Variants in COL27A1 observed in about 807,000 individuals in gnomAD.
The protein encoded by COL27A1 is collagen alpha-1(XXVII) chain.
In COL27A1, 106 loss-of-function variants were observed where a neutral mutation model predicts 251.3. The ratio of observed to expected loss-of-function variants is 0.42; its 90% CI spans 0.36 to 0.50. The LOEUF is 0.50. Ranked by LOEUF, COL27A1 falls within the 20% of genes least tolerant of loss-of-function variation. The pLI is 0.00. For missense variants in COL27A1, 2,325 were observed against 2,522.8 expected, an observed-to-expected ratio of 0.92 and a Z score of 1.68; for synonymous variants, 1,000 against 986.3, an observed-to-expected ratio of 1.01 and a Z score of -0.26.
At position 114,242,215 on chromosome 9, in the gene COL27A1, G is replaced by A; in HGVS notation, c.2864G>A (p.Gly955Glu). 2 of 1,609,466 alleles carry A rather than the reference G, an allele frequency of 1.2e-6. No homozygotes were observed. ...GATGAGGGACCCATGGGGCCGCCAG[G>A]GGCCCCTGGCTTGGAGGTGAGTGTC... ...EGDEGPMGPPGAPGLEGQPGR... is the reference protein window; with the variant it reads ...EGDEGPMGPPEAPGLEGQPGR... The change falls in exon 22 of 61, where the codon GGG (glycine) becomes GAG (glutamate). Residue 955 changes from glycine (G) to glutamate (E), a missense_variant. Gly to Glu is a moderately conservative substitution (Grantham distance 98). Around this residue, in one of 4 missense-constraint regions of COL27A1, gnomAD observed 662 missense variants for 795.3 expected, o/e 0.83. Transcript: ENST00000356083.
At chr9:114,235,771 T>TC (rs1832350872) in intron 17 of COL27A1, 119 bp downstream of exon 17, 2 of 763,958 alleles carry the variant, frequency 2.6e-6, no homozygotes, top group Non-Finnish European at 4.8e-6. Flanking sequence ...ACGGCTGCCC[T>TC]CGAAATAATC....
intron 6 of COL27A1, among the ~76,000 whole-genome samples, chr9:114,195,247 T>C (rs957735496): frequency 6.6e-5 from 10 of 152,324 alleles, no homozygotes; most frequent in African/African-American, 2.2e-4. Context: ...TTTCTTTGAT[T>C]TCCCCAAGAC....
chr9:114,300,201 T>C (rs1828522342), intron 50 of COL27A1, 78 bp downstream of exon 50: 3 of 1,424,024 alleles, frequency 2.1e-6, no homozygotes, highest in Admixed American at 3.4e-5. Context: ...ATTCAACAAA[T>C]ATTTATGGAG....
chr9:114,264,649 C>T (rs1056148651), intron 29 of COL27A1, among the ~76,000 whole-genome samples: 2 of 152,150 alleles, frequency 1.3e-5, no homozygotes, highest in Non-Finnish European at 2.9e-5. Flanking sequence ...ACCCTTTCCC[C>T]GGACCCCAAA....
At position 114,217,957 on chromosome 9, in the gene COL27A1, T is replaced by C. The variant is rs142107522; in HGVS notation, c.2368-1834T>C. 1,628 of 385,824 alleles carry C rather than the reference T, an allele frequency of 4.2e-3. 23 individuals carry two copies. Among genetic ancestry groups the C allele is most frequent in the African/African-American group, 0.032 (1,534 of 47,488 alleles). The allele number at this position is 385,824 out of a possible 1,614,324, so 23.9% of individuals were successfully genotyped here. A position where few individuals can be genotyped will look rare whatever the true frequency, so the allele number is the denominator to read the frequency against. On this transcript the variant is annotated intron_variant, in intron 12 of 60. Coordinates refer to ENST00000356083, the MANE Select transcript of COL27A1 (RefSeq NM_032888.4). ...GGAGAAACCCCATCTTTACCAAAAA[T>C]ACAAAAATTAGCCAGGTGTAGTGGT...
chr9:114,260,790 C>G (rs961816123), intron 28 of COL27A1, among the ~76,000 whole-genome samples: 1 of 152,170 alleles, frequency 6.6e-6, no homozygotes, highest in Non-Finnish European at 1.5e-5. Flanking sequence ...TCTCAGCACC[C>G]CCGGTTCCCA....
intron 51 of COL27A1, 57 bp from the exon 52 acceptor site, chr9:114,301,015 C>A: frequency 6.5e-7 from 1 of 1,531,078 alleles, no homozygotes; most frequent in Non-Finnish European, 8.8e-7. Context: ...CCCCGCTCCC[C>A]GTGTCTGTTC....
chr9:114,252,770 G>T (rs1833630050), intron 26 of COL27A1, 109 bp from the exon 27 acceptor site: 6 of 1,399,254 alleles, frequency 4.3e-6, no homozygotes, highest in South Asian at 1.2e-5. Flanking sequence ...TGTCCAGGGG[G>T]CCTAGCTGCT....
At chr9:114,225,577 T>C in intron 14 of COL27A1, among the ~76,000 whole-genome samples, 1 of 152,180 alleles carries the variant, frequency 6.6e-6, no homozygotes, top group East Asian at 1.9e-4. Context: ...GGAAAAAAAC[T>C]GTCTCCCCAA....
At position 114,169,860 on chromosome 9, in the gene COL27A1, C is replaced by G. The variant is rs535118374; in HGVS notation, c.1908+397C>G. 2.0e-5 allele frequency among the ~76,000 whole-genome samples: 3 copies of G among 152,376 alleles called. No individual in the cohort carries two copies. In the South Asian group the frequency reaches 6.2e-4, roughly 32 times the overall value. On this transcript the variant is annotated intron_variant, in intron 3 of 60. Coordinates refer to ENST00000356083, the MANE Select transcript of COL27A1 (RefSeq NM_032888.4). ...CTTCCAAAGCCCCGTTCTCCCAGCT[C>G]ATGGAGCAGGGGTCCTTCTGGCCCA... is the stretch of plus-strand genomic sequence containing the variant.
At chr9:114,183,884 T>C (rs1828133075) in intron 5 of COL27A1, among the ~76,000 whole-genome samples, 1 of 152,126 alleles carries the variant, frequency 6.6e-6, no homozygotes, top group Non-Finnish European at 1.5e-5. Flanking sequence ...TTTGATGATA[T>C]GGGAACACCA....
chr9:114,245,150 T>C lies in COL27A1; in HGVS notation c.2935-716T>C, dbSNP rs374549477. Among the ~76,000 whole-genome samples, 94 of 26,988 alleles carry C rather than the reference T, an allele frequency of 3.5e-3. 1 individual carries two copies. The highest frequency in any genetic ancestry group is 0.017 in the African/African-American group (89 of 5,240). The allele number at this position is 26,988 out of a possible 152,430, so 17.7% of individuals were successfully genotyped here. A position where few individuals can be genotyped will look rare whatever the true frequency, so the allele number is the denominator to read the frequency against. On this transcript the variant is annotated intron_variant, in intron 23 of 60. Coordinates refer to ENST00000356083, the MANE Select transcript of COL27A1 (RefSeq NM_032888.4). ...ATGCAGTGGGAATGTGCATTCTTGT[T>C]TTTTTTTTTTTTTTTTTTTTTTTTT...
chr9:114,299,020 A>C (rs1033004577), intron 49 of COL27A1, among the ~76,000 whole-genome samples: 1 of 152,242 alleles, frequency 6.6e-6, no homozygotes, highest in African/African-American at 2.4e-5. Context: ...ATAAGCATTG[A>C]TAAGACAAAT....
chr9:114,234,927 A>T lies in COL27A1; in HGVS notation c.2566-672A>T, dbSNP rs527978603. 1.8e-4 allele frequency among the ~76,000 whole-genome samples: 27 copies of T among 151,676 alleles called. No individual in the cohort carries two copies. In the South Asian group the frequency reaches 2.5e-3, roughly 14 times the overall value. On this transcript the variant is annotated intron_variant, in intron 16 of 60. Transcript: ENST00000356083. ...ACTAAAAATACAAAAAAAAAAAAAA[A>T]AATTAGCTGGGCGTGGTGGCACGCG...
chr9:114,292,312 A>C, intron 49 of COL27A1, 102 bp downstream of exon 49: 1 of 943,324 alleles, frequency 1.1e-6, no homozygotes. Context: ...CACACACACA[A>C]ACACACTGAC....
intron 54 of COL27A1, 98 bp from the exon 55 acceptor site, chr9:114,301,584 T>C: frequency 6.6e-7 from 1 of 1,523,318 alleles, no homozygotes; most frequent in East Asian, 2.3e-5. Flanking sequence ...AGAGGAACCA[T>C]TGTCCCTGGG....
At chr9:114,302,880 A>G (rs1828759912) in intron 56 of COL27A1, among the ~76,000 whole-genome samples, 1 of 152,064 alleles carries the variant, frequency 6.6e-6, no homozygotes, top group Non-Finnish European at 1.5e-5. Flanking sequence ...CGGTGGCTAC[A>G]CGACTATTAC....
intron 56 of COL27A1, among the ~76,000 whole-genome samples, chr9:114,302,760 G>C (rs904990705): frequency 8.6e-5 from 13 of 150,876 alleles, no homozygotes; most frequent in African/African-American, 2.7e-4. Flanking sequence ...GTCGGGCCAG[G>C]GGGGCAGATT....
chr9:114,215,945 C>T (rs1276125296), intron 12 of COL27A1, among the ~76,000 whole-genome samples: 1 of 152,182 alleles, frequency 6.6e-6, no homozygotes, highest in South Asian at 2.1e-4. Context: ...ACTTTGGATT[C>T]TAGATGTTTC....
Sources: gnomAD v4.1 joint callset for allele counts (sites outside exome capture counted in the v4.1 genomes callset) on GRCh38, gnomAD v4.1.1 for gene constraint, gnomAD v4.1.1 regional missense constraint, MANE v1.5 for transcripts, NCBI Gene and HGNC (gene_info 2026-07-23, HGNC 2026-07-21) for gene names.